Variants in SYN2 observed in about 807,000 individuals in gnomAD.
SYN2 encodes the protein synapsin II.
A neutral mutation model predicts 50.9 loss-of-function variants in SYN2; 19 were observed. The ratio of observed to expected loss-of-function variants is 0.37; its 90% CI spans 0.26 to 0.55. SYN2 has a LOEUF of 0.55. Ranked by LOEUF, SYN2 falls within the 20% of genes least tolerant of loss-of-function variation. The pLI is 0.81. For synonymous variants in SYN2, 255 were observed against 224.9 expected (o/e 1.13, Z -1.20); for missense variants, 587 against 576.4 (o/e 1.02, Z -0.19).
Position 12,057,992 on chromosome 3 carries a change from C to T in SYN2, c.377+53064C>T, listed in dbSNP as rs185974771. On this transcript the variant is annotated intron_variant, in intron 1 of 12. Transcript: ENST00000621198. ...CTACTTTAAAAATATATTCTGTGGT[C>T]CCATTCCCCAACCCTTCTCCATCAG... is the stretch of plus-strand genomic sequence containing the variant. Among the ~76,000 whole-genome samples, 28 of 152,224 alleles carry T rather than the reference C, an allele frequency of 1.8e-4. No homozygotes were observed. The East Asian group carries it at 5.2e-3, about 28-fold the overall frequency.
At chr3:12,174,631 G>A (rs13064273) in intron 10 of SYN2, among the ~76,000 whole-genome samples, 6,820 of 152,132 alleles carry the variant, frequency 0.045, 202 homozygotes, top group Non-Finnish European at 0.066. Flanking sequence ...ACAGGCACGC[G>A]CCACCACGCC....
At chr3:12,133,176 C>T (rs941937220) in intron 1 of SYN2, among the ~76,000 whole-genome samples, 1 of 152,186 alleles carries the variant, frequency 6.6e-6, no homozygotes, top group Admixed American at 6.5e-5. Flanking sequence ...TAAGAAGTGC[C>T]TTACTTGCAG....
intron 1 of SYN2, among the ~76,000 whole-genome samples, chr3:12,116,266 G>C (rs968532857): frequency 2.6e-5 from 4 of 152,198 alleles, no homozygotes; most frequent in African/African-American, 9.7e-5. Context: ...ATTTTTGTAA[G>C]GATGCTGTAT....
At chr3:12,068,524 A>T (rs1695270414) in intron 1 of SYN2, among the ~76,000 whole-genome samples, 1 of 152,212 alleles carries the variant, frequency 6.6e-6, no homozygotes, top group African/African-American at 2.4e-5. Flanking sequence ...CAGTCTGGGT[A>T]ACAAGCCTTT....
intron 1 of SYN2, among the ~76,000 whole-genome samples, chr3:12,026,406 TA>T (rs1407127278): frequency 6.6e-6 from 1 of 151,952 alleles, no homozygotes; most frequent in East Asian, 1.9e-4. Flanking sequence ...CCTTAACCTT[TA>T]AAAAAATATA....
intron 1 of SYN2, among the ~76,000 whole-genome samples, chr3:12,023,105 A>G (rs1306201557): frequency 2.0e-5 from 3 of 152,140 alleles, no homozygotes; most frequent in Non-Finnish European, 2.9e-5. Context: ...GTGTCCTTAT[A>G]TGTTAAATGT....
rs377437728 is a variant in SYN2, at chr3:12,141,868, A to T, written c.436-37A>T. 28 of 780,264 alleles carry T rather than the reference A, an allele frequency of 3.6e-5. No homozygotes were observed. In the African/African-American group the frequency reaches 4.4e-4, roughly 12 times the overall value. The allele number at this position is 780,264 out of a possible 1,614,324, so 48.3% of individuals were successfully genotyped here. A position where few individuals can be genotyped will look rare whatever the true frequency, so the allele number is the denominator to read the frequency against. ...GCTATGTAGAGGACTTGGTGAAGTC[A>T]GGATTGTGAACTTATTCCCCTGTTA... is the stretch of plus-strand genomic sequence containing the variant. On this transcript the variant is annotated intron_variant, in intron 2 of 12. Transcript: ENST00000621198.
intron 1 of SYN2, among the ~76,000 whole-genome samples, chr3:12,086,626 T>C (rs886851519): frequency 1.1e-4 from 16 of 152,162 alleles, no homozygotes; most frequent in South Asian, 6.2e-4. Context: ...CACATCATCA[T>C]CTCGATAGAT....
chr3:12,151,615 C>G (rs1273171869), intron 5 of SYN2, among the ~76,000 whole-genome samples: 1 of 152,250 alleles, frequency 6.6e-6, no homozygotes, highest in Admixed American at 6.5e-5. Context: ...GAGTCCCAGC[C>G]CTGGCTCTGC....
chr3:12,169,997 C>T, intron 10 of SYN2, 91 bp downstream of exon 10: 1 of 1,432,544 alleles, frequency 7.0e-7, no homozygotes. Context: ...GAGTACAGGC[C>T]AGATGCCCAC....
chr3:12,180,739 G>A (rs548134047), intron 10 of SYN2, among the ~76,000 whole-genome samples: 11 of 152,276 alleles, frequency 7.2e-5, no homozygotes, highest in Admixed American at 2.6e-4. Context: ...CAGCCCAAAG[G>A]ACTGCCTCCG....
At chr3:12,011,047 G>A (rs1020047154) in intron 1 of SYN2, among the ~76,000 whole-genome samples, 1 of 152,158 alleles carries the variant, frequency 6.6e-6, no homozygotes, top group African/African-American at 2.4e-5. Context: ...CATAGTGGGA[G>A]TGCCACTAAA....
At chr3:12,044,481 A>AT (rs1243280499) in intron 1 of SYN2, among the ~76,000 whole-genome samples, 2 of 152,210 alleles carry the variant, frequency 1.3e-5, no homozygotes, top group Non-Finnish European at 2.9e-5. Context: ...GATCAAAATA[A>AT]TTATGAGCAA....
chr3:12,072,084 C>T (rs1175290080), intron 1 of SYN2, among the ~76,000 whole-genome samples: 3 of 151,476 alleles, frequency 2.0e-5, no homozygotes, highest in Non-Finnish European at 4.4e-5. Context: ...AAAATGCTGC[C>T]GTTAAAAAAA....
At chr3:12,087,175 A>T (rs1467222069) in intron 1 of SYN2, among the ~76,000 whole-genome samples, 3 of 152,224 alleles carry the variant, frequency 2.0e-5, no homozygotes, top group Non-Finnish European at 4.4e-5. Context: ...AGATCTGTAT[A>T]TCAAAAATTA....
chr3:12,183,544 G>A (rs921634764), intron 11 of SYN2, 172 bp downstream of exon 11: 15 of 1,532,712 alleles, frequency 9.8e-6, no homozygotes, highest in African/African-American at 4.2e-5. Context: ...CCGTTGCTGC[G>A]TTCTTTCAAT....
chr3:12,060,722 C>G (rs1043615374), intron 1 of SYN2, among the ~76,000 whole-genome samples: 6 of 152,158 alleles, frequency 3.9e-5, no homozygotes, highest in Non-Finnish European at 8.8e-5. Context: ...GCACTTACCA[C>G]TGCAGCATGT....
At chr3:12,182,116 G>A (rs1228723328) in intron 10 of SYN2, among the ~76,000 whole-genome samples, 1 of 152,200 alleles carries the variant, frequency 6.6e-6, no homozygotes, top group Non-Finnish European at 1.5e-5. Context: ...ATACTGAGAA[G>A]GTAACACTTC....
At chr3:12,131,117 C>T (rs1220800476) in intron 1 of SYN2, among the ~76,000 whole-genome samples, 4 of 152,238 alleles carry the variant, frequency 2.6e-5, no homozygotes, top group Non-Finnish European at 5.9e-5. Flanking sequence ...GGCTGGGATG[C>T]AGCCCCACAT....
Sources: allele counts gnomAD v4.1 joint callset (sites outside exome capture counted in the v4.1 genomes callset), GRCh38; gene constraint gnomAD v4.1.1; transcripts MANE v1.5; gene names NCBI Gene and HGNC (gene_info 2026-07-23, HGNC 2026-07-21).